CNTN5: variants seen among roughly 807,000 people sequenced by gnomAD.
CNTN5 encodes the protein contactin-5.
Under a neutral mutation model 129.1 loss-of-function variants are expected in CNTN5, and 77 were observed. That is an observed-to-expected ratio of 0.60 (90% CI 0.50 to 0.72). The LOEUF (loss-of-function observed/expected upper bound fraction) is 0.72, where lower values mean the gene tolerates loss of function less well. Among genes scored for constraint, CNTN5 ranks in the 30% least tolerant of loss-of-function variants. CNTN5 has a pLI of 0.00. For synonymous variants in CNTN5, 509 were observed against 465.6 expected (o/e 1.09, Z -1.20); for missense variants, 1,478 against 1,328.8 (o/e 1.11, Z -1.75).
At position 99,504,346 on chromosome 11, in the gene CNTN5, T is replaced by C. The variant is rs561783047; in HGVS notation, c.-70-51799T>C. On this transcript the variant is annotated intron_variant, in intron 2 of 24. Transcript: ENST00000524871. ...TCATGAGGGCAGGAGATCGAGACCA[T>C]CATGGCTAACACGGTGAAACCCCGT... Among the ~76,000 whole-genome samples the C allele has an allele frequency of 2.0e-5, 3 of 151,886 alleles. No individual in the cohort carries two copies. In the East Asian group the frequency reaches 5.8e-4, roughly 30 times the overall value.
chr11:99,465,356 A>T (rs1479036852), intron 2 of CNTN5, among the ~76,000 whole-genome samples: 1 of 152,068 alleles, frequency 6.6e-6, no homozygotes, highest in East Asian at 1.9e-4. Flanking sequence ...ATTTTTCTAA[A>T]CCCTATGAAA....
chr11:99,573,337 T>G (rs1042541769), intron 3 of CNTN5, among the ~76,000 whole-genome samples: 7 of 152,092 alleles, frequency 4.6e-5, no homozygotes, highest in South Asian at 2.1e-4. Flanking sequence ...TTGGGCGGCC[T>G]AGGCGGGCGG....
At position 99,930,388 on chromosome 11, in the gene CNTN5, C is replaced by G. The variant is rs184086261; in HGVS notation, c.673+14239C>G. ...TATGCCTGGATGTGTTTGTTCAATT[C>G]CTAGGATCTTACTGGGAGTTTGTTG... is the stretch of plus-strand genomic sequence containing the variant. On this transcript the variant is annotated intron_variant, in intron 7 of 24. Coordinates refer to ENST00000524871, the MANE Select transcript of CNTN5 (RefSeq NM_014361.4). 4.6e-5 allele frequency among the ~76,000 whole-genome samples: 7 copies of G among 152,188 alleles called. No individual in the cohort carries two copies. In the East Asian group the frequency reaches 1.4e-3, roughly 30 times the overall value.
intron 2 of CNTN5, among the ~76,000 whole-genome samples, chr11:99,498,252 C>A (rs1946302003): frequency 1.3e-5 from 2 of 152,038 alleles, no homozygotes; most frequent in South Asian, 4.1e-4. Flanking sequence ...AAATGTACTG[C>A]ATTTTTTGTA....
At chr11:99,350,824 A>G (rs889600685) in intron 2 of CNTN5, among the ~76,000 whole-genome samples, 3 of 152,134 alleles carry the variant, frequency 2.0e-5, no homozygotes, top group African/African-American at 7.2e-5. Context: ...GGGATGATTG[A>G]GAAGATGTGT....
intron 4 of CNTN5, among the ~76,000 whole-genome samples, chr11:99,820,460 A>T (rs1350136086): frequency 2.6e-5 from 4 of 152,304 alleles, no homozygotes; most frequent in African/African-American, 9.6e-5. Flanking sequence ...CAACACTAAG[A>T]TATCAGTTAA....
chr11:99,258,119 A>G (rs972936626), intron 1 of CNTN5, among the ~76,000 whole-genome samples: 1 of 152,094 alleles, frequency 6.6e-6, no homozygotes, highest in African/African-American at 2.4e-5. Flanking sequence ...TCCCGTGTTT[A>G]TGAGACTTCT....
chr11:99,783,849 T>C (rs1004972795), intron 3 of CNTN5, among the ~76,000 whole-genome samples: 11 of 151,662 alleles, frequency 7.3e-5, no homozygotes, highest in South Asian at 2.1e-4. Context: ...AGGGATTGCA[T>C]TGGGAGATAT....
chr11:99,172,982 A>C (rs1333042832), intron 1 of CNTN5, among the ~76,000 whole-genome samples: 1 of 152,228 alleles, frequency 6.6e-6, no homozygotes, highest in Admixed American at 6.5e-5. Flanking sequence ...ACGTGGCAGA[A>C]GGCAAGGAGG....
intron 1 of CNTN5, among the ~76,000 whole-genome samples, chr11:99,069,926 G>T (rs1185454793): frequency 6.6e-6 from 1 of 152,120 alleles, no homozygotes; most frequent in Non-Finnish European, 1.5e-5. Flanking sequence ...CTTCAGCAGG[G>T]AAGGATTTAA....
chr11:99,728,180 A>C (rs1454883344), intron 3 of CNTN5, among the ~76,000 whole-genome samples: 2 of 151,792 alleles, frequency 1.3e-5, no homozygotes, highest in Admixed American at 1.3e-4. Context: ...GTTTAGAAAA[A>C]TATAGAGGAG....
intron 7 of CNTN5, among the ~76,000 whole-genome samples, chr11:99,940,979 A>G (rs992557211): frequency 6.6e-6 from 1 of 152,142 alleles, no homozygotes; most frequent in Admixed American, 6.6e-5. Flanking sequence ...TATTCACCCT[A>G]AACTGAATCA....
Position 99,433,012 on chromosome 11 carries a change from G to GAAA in CNTN5, c.-71+107541_-71+107543dup, listed in dbSNP as rs202138426. On this transcript the variant is annotated intron_variant, in intron 2 of 24. Coordinates refer to ENST00000524871, the MANE Select transcript of CNTN5 (RefSeq NM_014361.4). ...CTCCATGAATATAAATGATTACCAG[G>GAAA]AAAAAAAAAAAAAAAGGTTTAGTGG... 9.1e-4 allele frequency among the ~76,000 whole-genome samples: 124 copies of GAAA among 135,832 alleles called. 3 individuals carry two copies. The South Asian group carries it at 0.01, about 11-fold the overall frequency. 89.1% of individuals were successfully genotyped at this position (135,832 alleles called of 152,430 possible).
chr11:99,455,118 CA>C (rs1336616567), intron 2 of CNTN5, among the ~76,000 whole-genome samples: 6 of 152,038 alleles, frequency 3.9e-5, no homozygotes, highest in African/African-American at 1.4e-4. Flanking sequence ...TTATTTGGCT[CA>C]GGGAGAAGCA....
intron 1 of CNTN5, among the ~76,000 whole-genome samples, chr11:99,293,884 G>A (rs1284210036): frequency 3.3e-5 from 5 of 151,578 alleles, no homozygotes; most frequent in Non-Finnish European, 7.4e-5. Context: ...TTGATCTTTT[G>A]TAATTTTTAA....
chr11:100,115,777 A>C (rs1221493507), intron 13 of CNTN5, among the ~76,000 whole-genome samples: 1 of 152,098 alleles, frequency 6.6e-6, no homozygotes, highest in Non-Finnish European at 1.5e-5. Context: ...CTGATTGGAA[A>C]TAATTATTTA....
chr11:99,994,214 G>A (rs1469334423), intron 8 of CNTN5, among the ~76,000 whole-genome samples: 3 of 152,130 alleles, frequency 2.0e-5, no homozygotes, highest in African/African-American at 7.2e-5. Context: ...TGGAAGAGAA[G>A]AGAGACTATA....
At chr11:100,214,728 T>C (rs1447365877) in intron 15 of CNTN5, among the ~76,000 whole-genome samples, 1 of 152,208 alleles carries the variant, frequency 6.6e-6, no homozygotes, top group Non-Finnish European at 1.5e-5. Flanking sequence ...GTCAAGTGTT[T>C]TGGCTTTAGT....
chr11:99,848,314 A>G (rs775199643), intron 6 of CNTN5, among the ~76,000 whole-genome samples: 1 of 152,170 alleles, frequency 6.6e-6, no homozygotes, highest in Non-Finnish European at 1.5e-5. Context: ...GAATATACTC[A>G]CTGTTGCTGG....
Sources: gnomAD v4.1 joint callset for allele counts (sites outside exome capture counted in the v4.1 genomes callset) on GRCh38, gnomAD v4.1.1 for gene constraint, MANE v1.5 for transcripts, NCBI Gene and HGNC (gene_info 2026-07-23, HGNC 2026-07-21) for gene names.